Variants in SNTB2 observed in about 807,000 individuals in gnomAD.
SNTB2 encodes beta-2-syntrophin.
In SNTB2, 34 loss-of-function variants were observed where a neutral mutation model predicts 46.2. The ratio of observed to expected loss-of-function variants is 0.74; its 90% confidence interval spans 0.56 to 0.98. The LOEUF is 0.98. SNTB2 is among the 50% of genes least tolerant of loss of function. The probability of loss-of-function intolerance (pLI) is 0.00; values close to 1 mark genes in which losing one functional copy is unlikely to be tolerated. For missense variants in SNTB2, 603 were observed against 731.4 expected (o/e 0.82, Z 2.02); for synonymous variants, 290 against 312.6 (o/e 0.93, Z 0.76).
At chr16:69,205,650 T>G (rs766941101) in intron 1 of SNTB2, among the ~76,000 whole-genome samples, 7 of 152,222 alleles carry the variant, frequency 4.6e-5, no homozygotes, top group Non-Finnish European at 1.0e-4. Context: ...CATAATGGCT[T>G]TTTCTTCTAT....
intron 1 of SNTB2, among the ~76,000 whole-genome samples, chr16:69,200,019 A>T (rs1964146019): frequency 6.6e-6 from 1 of 151,946 alleles, no homozygotes; most frequent in Non-Finnish European, 1.5e-5. Context: ...GGTTCAAGCG[A>T]TTCTCCTGCC....
At chr16:69,232,261 A>C (rs1253203663) in intron 1 of SNTB2, among the ~76,000 whole-genome samples, 1 of 145,394 alleles carries the variant, frequency 6.9e-6, no homozygotes, top group East Asian at 2.0e-4. Context: ...GCTGGAGCGC[A>C]GTGGTGTGAT....
chr16:69,272,539 CAAAA>C (rs556616496), intron 4 of SNTB2, among the ~76,000 whole-genome samples: 2 of 58,166 alleles, frequency 3.4e-5, no homozygotes, highest in African/African-American at 6.1e-5. Flanking sequence ...GACTCTGTCT[CAAAA>C]AAAAAAAAAA....
chr16:69,294,176 C>A (rs1965201450), intron 5 of SNTB2, among the ~76,000 whole-genome samples: 1 of 152,028 alleles, frequency 6.6e-6, no homozygotes, highest in African/African-American at 2.4e-5. Context: ...TGCAACTATG[C>A]CTGGCTAATT....
At chr16:69,215,826 A>C (rs1458895771) in intron 1 of SNTB2, among the ~76,000 whole-genome samples, 1 of 152,184 alleles carries the variant, frequency 6.6e-6, no homozygotes, top group Non-Finnish European at 1.5e-5. Context: ...TTTTTGATAC[A>C]GGGTCCTGAT....
At chr16:69,248,776 A>T (rs1037977426) in intron 2 of SNTB2, among the ~76,000 whole-genome samples, 2 of 152,040 alleles carry the variant, frequency 1.3e-5, no homozygotes, top group Non-Finnish European at 2.9e-5. Flanking sequence ...CTTGGGCAAC[A>T]TAACAAGACC....
chr16:69,201,607 T>C (rs1045505637), intron 1 of SNTB2, among the ~76,000 whole-genome samples: 6 of 152,178 alleles, frequency 3.9e-5, no homozygotes, highest in African/African-American at 1.4e-4. Context: ...TTGGATACAG[T>C]GTACAGCTGA....
At chr16:69,279,327 C>A (rs955018420) in intron 4 of SNTB2, among the ~76,000 whole-genome samples, 4 of 151,966 alleles carry the variant, frequency 2.6e-5, no homozygotes, top group Non-Finnish European at 5.9e-5. Context: ...CTTTTTTAGG[C>A]TGAATAATAT....
chr16:69,240,663 T>A (rs1336290079), intron 1 of SNTB2: 1 of 152,178 alleles, frequency 6.6e-6, no homozygotes, highest in African/African-American at 2.4e-5. Flanking sequence ...TCACTTAAAC[T>A]CATAGTAAAG....
At chr16:69,282,120 G>T (rs1444584701) in intron 4 of SNTB2, among the ~76,000 whole-genome samples, 4 of 149,346 alleles carry the variant, frequency 2.7e-5, no homozygotes, top group African/African-American at 9.8e-5. Flanking sequence ...GGCTAGGCTG[G>T]ACTTAAACTC....
chr16:69,253,546 G>A (rs1335748603), intron 2 of SNTB2, among the ~76,000 whole-genome samples: 1 of 152,066 alleles, frequency 6.6e-6, no homozygotes, highest in Non-Finnish European at 1.5e-5. Context: ...CTACTCGGGA[G>A]GCTGAGGCAG....
intron 1 of SNTB2, 86 bp downstream of exon 1, chr16:69,187,832 C>A: frequency 9.1e-7 from 1 of 1,096,344 alleles, no homozygotes; most frequent in Non-Finnish European, 1.2e-6. Context: ...GCCGGCGGGG[C>A]GAGCCGGTTC....
intron 2 of SNTB2, among the ~76,000 whole-genome samples, chr16:69,249,459 G>C (rs1043145661): frequency 1.3e-5 from 2 of 152,206 alleles, no homozygotes; most frequent in African/African-American, 2.4e-5. Flanking sequence ...GGAAGAAGAT[G>C]ATATGACTTG....
intron 2 of SNTB2, among the ~76,000 whole-genome samples, chr16:69,257,737 G>A (rs564136694): frequency 6.6e-6 from 1 of 152,088 alleles, no homozygotes; most frequent in South Asian, 2.1e-4. Flanking sequence ...AAGCCACCGC[G>A]CCCAGCCACA....
chr16:69,286,856 T>G (rs118126484), intron 5 of SNTB2, among the ~76,000 whole-genome samples: 1 of 152,262 alleles, frequency 6.6e-6, no homozygotes, highest in East Asian at 1.9e-4. Flanking sequence ...TACTCCAGCC[T>G]GGACAACATA....
At chr16:69,252,396 A>G (rs1027197757) in intron 2 of SNTB2, among the ~76,000 whole-genome samples, 9 of 152,214 alleles carry the variant, frequency 5.9e-5, no homozygotes, top group African/African-American at 1.9e-4. Flanking sequence ...AGGAGAGAAC[A>G]TGAGCCCCTT....
chr16:69,251,192 A>G (rs1441704978), intron 2 of SNTB2, among the ~76,000 whole-genome samples: 1 of 150,840 alleles, frequency 6.6e-6, no homozygotes, highest in Non-Finnish European at 1.5e-5. Context: ...TTTAGCCGGG[A>G]TGGTCTCGAT....
intron 1 of SNTB2, among the ~76,000 whole-genome samples, chr16:69,208,512 C>G (rs575787452): frequency 2.0e-5 from 3 of 151,784 alleles, no homozygotes; most frequent in Non-Finnish European, 2.9e-5. Flanking sequence ...CTGTGTATAC[C>G]TGTAGTTTAT....
chr16:69,206,490 G>A (rs1964220717), intron 1 of SNTB2, among the ~76,000 whole-genome samples: 1 of 151,762 alleles, frequency 6.6e-6, no homozygotes, highest in Non-Finnish European at 1.5e-5. Flanking sequence ...TCGGGAGTTC[G>A]AGACCAGCCT....
Sources: allele counts gnomAD v4.1 joint callset (sites outside exome capture counted in the v4.1 genomes callset), GRCh38; gene constraint gnomAD v4.1.1; transcripts MANE v1.5; gene names NCBI Gene and HGNC (gene_info 2026-07-23, HGNC 2026-07-21).